Variants in NAPB observed in about 807,000 individuals in gnomAD.
NAPB encodes beta-soluble NSF attachment protein.
In NAPB, 26 loss-of-function variants were observed where a neutral mutation model predicts 44.7. That is an observed-to-expected ratio of 0.58 (90% CI 0.43 to 0.81). The LOEUF is 0.81. Among genes scored for constraint, NAPB ranks in the 30% least tolerant of loss-of-function variants. The pLI is 0.00. For synonymous variants in NAPB, 120 were observed against 116.8 expected, an observed-to-expected ratio of 1.03 and a Z score of -0.18; for missense variants, 315 against 356.4, an observed-to-expected ratio of 0.88 and a Z score of 0.94.
At chr20:23,379,019 A>C (rs1982780510) in intron 10 of NAPB, 1 of 152,500 alleles carries the variant, frequency 6.6e-6, no homozygotes, top group African/African-American at 2.5e-5. Context: ...GGGTTTCACC[A>C]TGTTGGCGAG....
chr20:23,395,015 A>G lies in NAPB; in HGVS notation c.343-16T>C. 1 of 1,614,016 alleles carries G rather than the reference A, an allele frequency of 6.2e-7. No individual in the cohort carries two copies. Among genetic ancestry groups the G allele is most frequent in the African/African-American group, 1.3e-5 (1 of 75,058 alleles). On this transcript the variant is annotated splice_polypyrimidine_tract_variant and intron_variant, in intron 4 of 10. Transcript: ENST00000377026. ...TAAACCTTCCCTAGGGGAAAAAACA[A>G]GAAACAGTCACACACCGATTTTACC...
chr20:23,402,450 CT>C (rs1441175628), intron 2 of NAPB, among the ~76,000 whole-genome samples: 1 of 152,166 alleles, frequency 6.6e-6, no homozygotes, highest in Non-Finnish European at 1.5e-5. Context: ...GAAAGCATTA[CT>C]TTAAAAAATA....
chr20:23,405,697 C>T (rs1985204047), intron 1 of NAPB, among the ~76,000 whole-genome samples: 1 of 152,102 alleles, frequency 6.6e-6, no homozygotes, highest in African/African-American at 2.4e-5. Flanking sequence ...GCACTTCAGC[C>T]TGGGTGACAC....
chr20:23,401,117 G>T (rs1032755978), intron 2 of NAPB, among the ~76,000 whole-genome samples: 23 of 152,106 alleles, frequency 1.5e-4, no homozygotes, highest in Non-Finnish European at 2.8e-4. Flanking sequence ...TTCTGTTTGG[G>T]GAAAGAGTAG....
intron 1 of NAPB, among the ~76,000 whole-genome samples, chr20:23,414,844 T>C (rs943866422): frequency 4.6e-5 from 7 of 152,194 alleles, no homozygotes; most frequent in African/African-American, 1.7e-4. Context: ...TAGATATGCT[T>C]GACTTGTACC....
chr20:23,407,829 G>A (rs1985359506), intron 1 of NAPB, among the ~76,000 whole-genome samples: 1 of 152,196 alleles, frequency 6.6e-6, no homozygotes, highest in African/African-American at 2.4e-5. Flanking sequence ...GCAGAGCTGT[G>A]AAAACCAATT....
At chr20:23,409,153 A>T (rs572722314) in intron 1 of NAPB, among the ~76,000 whole-genome samples, 1 of 152,294 alleles carries the variant, frequency 6.6e-6, no homozygotes, top group South Asian at 2.1e-4. Flanking sequence ...AGAGAAAGAA[A>T]AATTCCACCA....
rs921452079 is a variant in NAPB at position 23,376,315 on chromosome 20, C to A, written c.*1061G>T. ...AAACACATAAGCCAACATATTCCACCAGCTAAGAGAACAATCAAGTCCCCT... is the reference window on the plus strand; with the variant it reads ...AAACACATAAGCCAACATATTCCACAAGCTAAGAGAACAATCAAGTCCCCT... On this transcript the variant is annotated 3_prime_UTR_variant, in exon 11 of 11. Transcript: ENST00000377026. The A allele has an allele frequency of 1.3e-5, 2 of 152,194 alleles. No individual in the cohort carries two copies. Among genetic ancestry groups the A allele is most frequent in the Admixed American group, 1.3e-4 (2 of 15,280 alleles). 9.4% of individuals were successfully genotyped at this position (152,194 alleles called of 1,614,324 possible). A position where few individuals can be genotyped will look rare whatever the true frequency, so the allele number is the denominator to read the frequency against.
chr20:23,407,259 A>G (rs970462514), intron 1 of NAPB, among the ~76,000 whole-genome samples: 1 of 152,232 alleles, frequency 6.6e-6, no homozygotes, highest in Non-Finnish European at 1.5e-5. Context: ...GTGAAAGTTA[A>G]TTTTTTGTAA....
chr20:23,415,073 G>A (rs953495843), intron 1 of NAPB, among the ~76,000 whole-genome samples: 6 of 152,060 alleles, frequency 3.9e-5, no homozygotes, highest in African/African-American at 1.4e-4. Flanking sequence ...AAATGAGGAG[G>A]TAAAGGGGAA....
Position 23,377,498 on chromosome 20 carries a change from A to G in NAPB, c.787-12T>C, listed in dbSNP as rs1253011902. On this transcript the variant is annotated splice_polypyrimidine_tract_variant and intron_variant, in intron 10 of 10. Transcript: ENST00000377026. ...TCAAATTCCTTCACCTAGTATAAGGAAAGAGGAACAGGAATTACCCCATGT... is the reference window on the plus strand; with the variant it reads ...TCAAATTCCTTCACCTAGTATAAGGGAAGAGGAACAGGAATTACCCCATGT... 1 of 1,562,678 alleles carries G rather than the reference A, an allele frequency of 6.4e-7. No individual in the cohort carries two copies. Among genetic ancestry groups the G allele is most frequent in the Admixed American group, 1.7e-5 (1 of 58,206 alleles).
intron 5 of NAPB, among the ~76,000 whole-genome samples, chr20:23,392,188 G>C (rs1242926419): frequency 6.6e-6 from 1 of 152,200 alleles, no homozygotes; most frequent in Non-Finnish European, 1.5e-5. Context: ...ACATTTTAGA[G>C]GGAGGAGATG....
intron 1 of NAPB, 44 bp from the exon 2 acceptor site, chr20:23,403,116 C>T: frequency 7.4e-7 from 1 of 1,358,572 alleles, no homozygotes; most frequent in Non-Finnish European, 1.0e-6. Flanking sequence ...CCATCCACAT[C>T]TCTAATTCTC....
chr20:23,386,782 CTA>C (rs994163886), intron 7 of NAPB, among the ~76,000 whole-genome samples: 12 of 152,316 alleles, frequency 7.9e-5, no homozygotes, highest in African/African-American at 2.9e-4. Context: ...AGACCTTGAC[CTA>C]TGAGTCTCTC....
At chr20:23,421,235 T>G in intron 1 of NAPB, 70 bp downstream of exon 1, 3 of 1,357,706 alleles carry the variant, frequency 2.2e-6, no homozygotes, top group African/African-American at 3.1e-5. Flanking sequence ...ACTCGGGGGG[T>G]CAGCCTGAAA....
chr20:23,388,535 A>G (rs564830686), intron 7 of NAPB, among the ~76,000 whole-genome samples: 1 of 152,288 alleles, frequency 6.6e-6, no homozygotes, highest in Admixed American at 6.5e-5. Flanking sequence ...AGATATAAAC[A>G]GTGTAATACT....
chr20:23,415,870 G>A (rs1985972201), intron 1 of NAPB, among the ~76,000 whole-genome samples: 1 of 152,104 alleles, frequency 6.6e-6, no homozygotes, highest in Non-Finnish European at 1.5e-5. Context: ...GGAGGCTGAG[G>A]TGGGAGGATC....
intron 7 of NAPB, among the ~76,000 whole-genome samples, chr20:23,385,920 T>G (rs1386618937): frequency 6.6e-6 from 1 of 152,116 alleles, no homozygotes; most frequent in African/African-American, 2.4e-5. Context: ...AGACCATATC[T>G]AGGCCATAAA....
chr20:23,390,400 G>C (rs1418264187), intron 5 of NAPB, 136 bp from the exon 6 acceptor site: 6 of 698,222 alleles, frequency 8.6e-6, no homozygotes, highest in Non-Finnish European at 1.5e-5. Context: ...ACTTTCTTTA[G>C]GAAATACAAG....
Sources: gnomAD v4.1 joint callset for allele counts (sites outside exome capture counted in the v4.1 genomes callset) on GRCh38, gnomAD v4.1.1 for gene constraint, MANE v1.5 for transcripts, NCBI Gene and HGNC (gene_info 2026-07-23, HGNC 2026-07-21) for gene names.